The following MEMO1 variants were observed in gnomAD, a reference collection of about 807,000 sequenced individuals.
MEMO1 encodes protein MEMO1.
A neutral mutation model predicts 45.2 loss-of-function variants in MEMO1; 6 were observed. That is an observed-to-expected ratio of 0.13 (90% confidence interval 0.07 to 0.26). The LOEUF (loss-of-function observed/expected upper bound fraction) is 0.26. MEMO1 is among the 10% of genes least tolerant of loss of function. The pLI is 1.00. For synonymous variants in MEMO1, 78 were observed against 124.3 expected, an observed-to-expected ratio of 0.63 and a Z score of 2.48; for missense variants, 184 against 370.5, an observed-to-expected ratio of 0.50 and a Z score of 4.13.
At chr2:31,987,085 CCTTGA>C (rs1245297294) in intron 2 of MEMO1, among the ~76,000 whole-genome samples, 2 of 152,190 alleles carry the variant, frequency 1.3e-5, no homozygotes, top group Admixed American at 6.5e-5. Context: ...CTGACTGCAG[CCTTGA>C]CTTACTGGGC....
At chr2:31,892,899 T>C (rs925048512) in intron 6 of MEMO1, among the ~76,000 whole-genome samples, 1 of 152,152 alleles carries the variant, frequency 6.6e-6, no homozygotes, top group African/African-American at 2.4e-5. Flanking sequence ...TGATGAGCTA[T>C]AGAAACAGAT....
intron 2 of MEMO1, among the ~76,000 whole-genome samples, chr2:31,991,314 T>A (rs930188347): frequency 1.3e-5 from 2 of 152,194 alleles, no homozygotes; most frequent in Admixed American, 1.3e-4. Context: ...GGCTCACCCC[T>A]GTAATCCCAG....
At chr2:31,980,402 C>A (rs190351752) in intron 2 of MEMO1, among the ~76,000 whole-genome samples, 2 of 152,198 alleles carry the variant, frequency 1.3e-5, no homozygotes, top group East Asian at 3.9e-4. Context: ...CACTGCACTG[C>A]AGCAACTAGG....
chr2:31,924,374 T>C (rs1405504570), intron 4 of MEMO1, among the ~76,000 whole-genome samples: 2 of 152,056 alleles, frequency 1.3e-5, no homozygotes, highest in Non-Finnish European at 2.9e-5. Flanking sequence ...TCTTCCTTTA[T>C]TTGACTGCAA....
Position 31,926,990 on chromosome 2 carries a change from G to A in MEMO1, c.212+5077C>T, listed in dbSNP as rs1683208691. Among the ~76,000 whole-genome samples the A allele has an allele frequency of 5.3e-5, 8 of 152,180 alleles. No homozygotes were observed. The South Asian group carries it at 1.7e-3, about 32-fold the overall frequency. On this transcript the variant is annotated intron_variant, in intron 4 of 9. Transcript: ENST00000404530. ...CCACACGTTACAAAATTATGCCAGG[G>A]TAAAAGAGCCATTCAAACTGTAAAA...
intron 6 of MEMO1, among the ~76,000 whole-genome samples, chr2:31,916,496 T>C (rs1681467412): frequency 6.6e-6 from 1 of 152,222 alleles, no homozygotes; most frequent in Non-Finnish European, 1.5e-5. Flanking sequence ...CCCAAAGTGC[T>C]GGAATTACAG....
At chr2:31,996,192 G>A (rs764669905) in intron 2 of MEMO1, among the ~76,000 whole-genome samples, 3 of 151,596 alleles carry the variant, frequency 2.0e-5, no homozygotes, top group African/African-American at 7.3e-5. Flanking sequence ...GAGAGGGAGA[G>A]AGAGAGACAG....
chr2:31,894,905 A>G (rs1677527385), intron 6 of MEMO1, among the ~76,000 whole-genome samples: 1 of 152,176 alleles, frequency 6.6e-6, no homozygotes, highest in African/African-American at 2.4e-5. Context: ...ACAATCTCCC[A>G]GCAGAGGGTG....
intron 9 of MEMO1, 25 bp downstream of exon 9, chr2:31,869,823 G>C (rs369834157): frequency 8.5e-5 from 133 of 1,564,228 alleles, no homozygotes; most frequent in Non-Finnish European, 1.1e-4. Context: ...AATGTTAAAA[G>C]TCAAGGCTTC....
chr2:31,869,740 CTT>C, intron 9 of MEMO1, 106 bp downstream of exon 9: 1 of 1,208,418 alleles, frequency 8.3e-7, no homozygotes, highest in Non-Finnish European at 1.1e-6. Flanking sequence ...TAAAAAGAAA[CTT>C]GACCATAGGT....
intron 7 of MEMO1, among the ~76,000 whole-genome samples, chr2:31,887,538 C>T (rs528908588): frequency 1.3e-5 from 2 of 152,106 alleles, no homozygotes; most frequent in Non-Finnish European, 2.9e-5. Flanking sequence ...TACTAAGGAC[C>T]CAACCTGGGG....
rs190624621 is a variant in MEMO1 at position 31,935,475 on chromosome 2, G to C, written c.144-3340C>G. ...GACTTCCAAGTCTGCTTGGAGTAAA[G>C]ACAAGACAGTTACAGGGAGAGAAGG... On this transcript the variant is annotated intron_variant, in intron 3 of 9. Transcript: ENST00000404530. 1.2e-3 allele frequency among the ~76,000 whole-genome samples: 175 copies of C among 152,130 alleles called. 2 individuals are homozygous for C. The highest frequency in any genetic ancestry group is 3.1e-3 in the African/African-American group (127 of 41,490).
intron 6 of MEMO1, among the ~76,000 whole-genome samples, chr2:31,915,069 C>T (rs1681227565): frequency 6.6e-6 from 1 of 151,798 alleles, no homozygotes; most frequent in Non-Finnish European, 1.5e-5. Context: ...GAGGCAGAGG[C>T]TACAGTGAGC....
intron 2 of MEMO1, among the ~76,000 whole-genome samples, chr2:31,970,304 A>G (rs2148456653): frequency 6.6e-6 from 1 of 152,270 alleles, no homozygotes; most frequent in East Asian, 1.9e-4. Context: ...CTCTCTCCAG[A>G]GGGACAATTC....
intron 2 of MEMO1, among the ~76,000 whole-genome samples, chr2:31,969,851 C>T (rs968406001): frequency 6.6e-6 from 1 of 151,920 alleles, no homozygotes; most frequent in African/African-American, 2.4e-5. Context: ...CCACCTTGGC[C>T]CCCCAAAATG....
intron 4 of MEMO1, among the ~76,000 whole-genome samples, chr2:31,928,185 T>TCA (rs964267756): frequency 3.3e-5 from 5 of 152,196 alleles, no homozygotes; most frequent in African/African-American, 1.2e-4. Context: ...ATCTTCATTA[T>TCA]CACCTCAAAA....
At chr2:31,895,862 T>TG in intron 6 of MEMO1, among the ~76,000 whole-genome samples, 1 of 143,052 alleles carries the variant, frequency 7.0e-6, no homozygotes, top group Non-Finnish European at 1.5e-5. Flanking sequence ...TTTTTTTTTT[T>TG]GAGACGGAGT....
chr2:31,974,867 C>T (rs945253924), intron 2 of MEMO1, among the ~76,000 whole-genome samples: 3 of 151,852 alleles, frequency 2.0e-5, no homozygotes, highest in Non-Finnish European at 4.4e-5. Context: ...AGAGGAATAC[C>T]ATGAAAATTT....
chr2:31,884,650 T>A (rs1675915956), intron 7 of MEMO1, among the ~76,000 whole-genome samples: 1 of 152,358 alleles, frequency 6.6e-6, no homozygotes, highest in Middle Eastern at 3.4e-3. Flanking sequence ...AAACACTTCA[T>A]TCATTTGTTG....
Sources: gnomAD v4.1 joint callset for allele counts (sites outside exome capture counted in the v4.1 genomes callset) on GRCh38, gnomAD v4.1.1 for gene constraint, MANE v1.5 for transcripts, NCBI Gene and HGNC (gene_info 2026-07-23, HGNC 2026-07-21) for gene names.